KLHL28: variants seen among roughly 807,000 people sequenced by gnomAD.
KLHL28 encodes kelch-like protein 28.
Under a neutral mutation model 48.3 loss-of-function variants are expected in KLHL28, and 22 were observed. The observed-to-expected ratio is 0.46, with a 90% CI of 0.33 to 0.65. The LOEUF is 0.65. KLHL28 is among the 30% of genes least tolerant of loss of function. The probability of loss-of-function intolerance (pLI) is 0.03; values close to 1 mark genes in which losing one functional copy is unlikely to be tolerated. For synonymous variants in KLHL28, 243 were observed against 242.4 expected (o/e 1.00, Z -0.02); for missense variants, 527 against 704.3 (o/e 0.75, Z 2.85).
chr14:44,942,547 T>A (rs565625168), intron 2 of KLHL28, among the ~76,000 whole-genome samples: 20 of 152,136 alleles, frequency 1.3e-4, no homozygotes, highest in African/African-American at 3.9e-4. Context: ...TTTTTTTTTT[T>A]AAATCATGGC....
intron 2 of KLHL28, among the ~76,000 whole-genome samples, chr14:44,935,890 G>GTGTATATATATA (rs1555337906): frequency 1.7e-5 from 1 of 59,094 alleles, no homozygotes; most frequent in Non-Finnish European, 4.4e-5. Flanking sequence ...ATATATGTGT[G>GTGTATATATATA]TATATATATA....
intron 3 of KLHL28, 100 bp from the exon 4 acceptor site, chr14:44,931,641 T>C (rs573525712): frequency 1.9e-5 from 15 of 802,132 alleles, no homozygotes; most frequent in African/African-American, 1.7e-4. Context: ...GTTCACATAA[T>C]AGAGAGATAT....
intron 1 of KLHL28, among the ~76,000 whole-genome samples, chr14:44,957,218 T>C (rs564337751): frequency 1.3e-5 from 2 of 152,340 alleles, no homozygotes; most frequent in East Asian, 1.9e-4. Context: ...GATGGTGTCA[T>C]GAGTTGATAA....
intron 1 of KLHL28, 71 bp downstream of exon 1, chr14:44,961,775 C>T (rs1594591605): frequency 6.6e-6 from 1 of 152,360 alleles, no homozygotes; most frequent in Non-Finnish European, 1.5e-5. Context: ...GCCTCTTACT[C>T]TAGCACCAGT....
chr14:44,942,871 T>C (rs527882418), intron 2 of KLHL28, among the ~76,000 whole-genome samples: 9 of 152,214 alleles, frequency 5.9e-5, no homozygotes, highest in Non-Finnish European at 1.0e-4. Flanking sequence ...TATTATTTTC[T>C]ACATGTCTCC....
intron 3 of KLHL28, 142 bp downstream of exon 3, chr14:44,933,973 A>T: frequency 1.7e-6 from 1 of 601,714 alleles, no homozygotes; most frequent in Non-Finnish European, 2.8e-6. Flanking sequence ...AAACAATTAC[A>T]ATTATATCCA....
intron 1 of KLHL28, among the ~76,000 whole-genome samples, chr14:44,947,938 C>CT (rs34684144): frequency 6.6e-6 from 1 of 152,062 alleles, no homozygotes; most frequent in African/African-American, 2.4e-5. Context: ...CCAGTAGGTA[C>CT]TTTTTTTCCA....
chr14:44,947,688 T>A (rs553330147), intron 1 of KLHL28, among the ~76,000 whole-genome samples: 2 of 152,334 alleles, frequency 1.3e-5, no homozygotes, highest in African/African-American at 4.8e-5. Flanking sequence ...CTTATACATT[T>A]TTAAGTGGAA....
At chr14:44,947,386 C>T (rs542663890) in intron 1 of KLHL28, among the ~76,000 whole-genome samples, 3 of 152,308 alleles carry the variant, frequency 2.0e-5, no homozygotes, top group South Asian at 4.1e-4. Flanking sequence ...GCCTCCAAAA[C>T]TGTGAGAGAA....
intron 3 of KLHL28, among the ~76,000 whole-genome samples, chr14:44,933,761 T>C (rs967110437): frequency 5.3e-5 from 8 of 152,222 alleles, no homozygotes; most frequent in Non-Finnish European, 4.4e-5. Flanking sequence ...AAATTTCTAC[T>C]TCTTTATTCT....
At chr14:44,951,684 T>C (rs1884587866) in intron 1 of KLHL28, among the ~76,000 whole-genome samples, 1 of 152,216 alleles carries the variant, frequency 6.6e-6, no homozygotes, top group Non-Finnish European at 1.5e-5. Context: ...GCAAATGATA[T>C]ACTTTCATTC....
chr14:44,930,996 G>A (rs752736825), intron 4 of KLHL28, among the ~76,000 whole-genome samples: 12 of 152,140 alleles, frequency 7.9e-5, no homozygotes, highest in Non-Finnish European at 1.6e-4. Context: ...AGAACAATCC[G>A]AGGATTGTAT....
At position 44,948,178 on chromosome 14, in the gene KLHL28, T is replaced by C. The variant is rs886279357; in HGVS notation, c.1-2250A>G. ...GTTAAGAAAGCAGTCCTCGTTAACT[T>C]TACCTTCTCAATCTTTGTTTTCCTT... On this transcript the variant is annotated intron_variant, in intron 1 of 4. Coordinates refer to ENST00000396128, the MANE Select transcript of KLHL28 (RefSeq NM_017658.5). Among the ~76,000 whole-genome samples the C allele has an allele frequency of 3.3e-5, 5 of 152,286 alleles. No individual in the cohort carries two copies. The South Asian group carries it at 8.3e-4, about 25-fold the overall frequency.
intron 2 of KLHL28, among the ~76,000 whole-genome samples, chr14:44,940,485 C>T (rs1393239862): frequency 2.0e-5 from 3 of 152,130 alleles, no homozygotes; most frequent in Admixed American, 1.3e-4. Context: ...GTATTGCCAT[C>T]CTTATGACTC....
chr14:44,952,559 G>A (rs1308805032), intron 1 of KLHL28, among the ~76,000 whole-genome samples: 1 of 152,090 alleles, frequency 6.6e-6, no homozygotes, highest in African/African-American at 2.4e-5. Context: ...ATCTCACTAT[G>A]TTGCCCAGGC....
Position 44,926,376 on chromosome 14 carries a change from C to G in KLHL28, c.*2652G>C, listed in dbSNP as rs1367436031. ...TCATCAAGATGAAATTTAGATTTTT[C>G]AAAAACAATGACCAGTATATGTTTT... is the stretch of plus-strand genomic sequence containing the variant. On this transcript the variant is annotated 3_prime_UTR_variant, in exon 5 of 5. Coordinates refer to ENST00000396128, the MANE Select transcript of KLHL28 (RefSeq NM_017658.5). 6.6e-6 allele frequency: 1 copy of G among 151,966 alleles called. No homozygotes were observed. The highest frequency in any genetic ancestry group is 1.5e-5 in the Non-Finnish European group (1 of 67,998). 9.4% of individuals were successfully genotyped at this position (151,966 alleles called of 1,614,324 possible). A position where few individuals can be genotyped will look rare whatever the true frequency, so the allele number is the denominator to read the frequency against.
intron 1 of KLHL28, chr14:44,961,101 A>G (rs1885064261): frequency 2.3e-6 from 1 of 425,822 alleles, no homozygotes; most frequent in Non-Finnish European, 4.2e-6. Flanking sequence ...ATGAGGAGAA[A>G]ATGCACACAA....
At chr14:44,954,599 C>T (rs191934648) in intron 1 of KLHL28, among the ~76,000 whole-genome samples, 141 of 152,070 alleles carry the variant, frequency 9.3e-4, no homozygotes, top group Middle Eastern at 3.4e-3. Context: ...CACCATTTAT[C>T]TACGATAGGG....
At chr14:44,951,508 C>G (rs1341096337) in intron 1 of KLHL28, among the ~76,000 whole-genome samples, 1 of 152,144 alleles carries the variant, frequency 6.6e-6, no homozygotes, top group East Asian at 1.9e-4. Context: ...ATTTTCTGAC[C>G]ATTCCAACTA....
Sources: allele counts gnomAD v4.1 joint callset (sites outside exome capture counted in the v4.1 genomes callset), GRCh38; gene constraint gnomAD v4.1.1; transcripts MANE v1.5; gene names NCBI Gene and HGNC (gene_info 2026-07-23, HGNC 2026-07-21).